The following CSTPP1 variants were observed in gnomAD, a reference collection of about 807,000 sequenced individuals.
CSTPP1 encodes centriolar satellite-associated tubulin polyglutamylase complex regulator 1.
chr11:47,046,660 C>CTTTTTTTTTTTTTTTTTTTTTTTTTT, the CSTPP1 span, among the ~76,000 whole-genome samples: 20 of 79,734 alleles, frequency 2.5e-4, no homozygotes, highest in East Asian at 3.8e-4. Flanking sequence ...ATCTTCTTTT[C>CTTTTTTTTTTTTTTTTTTTTTTTTTT]TTTTTTTTTT....
the CSTPP1 span, among the ~76,000 whole-genome samples, chr11:47,127,237 GAATT>G: frequency 4.6e-5 from 7 of 152,126 alleles, no homozygotes; most frequent in Non-Finnish European, 7.4e-5. Flanking sequence ...ATAAAAATGG[GAATT>G]AATACCATTT....
the CSTPP1 span, among the ~76,000 whole-genome samples, chr11:46,998,705 C>T: frequency 5.3e-5 from 8 of 152,002 alleles, no homozygotes; most frequent in Non-Finnish European, 1.2e-4. Context: ...TAGTGAAAAT[C>T]CTTCACTTTC....
chr11:47,022,438 C>T, the CSTPP1 span, among the ~76,000 whole-genome samples: 5 of 117,052 alleles, frequency 4.3e-5, no homozygotes, highest in East Asian at 2.8e-4. Context: ...GGTGTGATCT[C>T]GGTTCACTGC....
chr11:47,063,155 C>G, the CSTPP1 span, among the ~76,000 whole-genome samples: 1 of 152,082 alleles, frequency 6.6e-6, no homozygotes. Flanking sequence ...TTGATATCTC[C>G]ATGATATCAC....
chr11:46,970,279 G>A, the CSTPP1 span, among the ~76,000 whole-genome samples: 1 of 151,800 alleles, frequency 6.6e-6, no homozygotes, highest in African/African-American at 2.4e-5. Context: ...CCCGGAAATA[G>A]ATGCCAAAGA....
the CSTPP1 span, among the ~76,000 whole-genome samples, chr11:46,980,791 T>C: frequency 6.6e-6 from 1 of 151,918 alleles, no homozygotes; most frequent in African/African-American, 2.4e-5. Context: ...GAGAAGAAAA[T>C]TGGCAAAGGA....
At chr11:46,978,186 G>A in the CSTPP1 span, among the ~76,000 whole-genome samples, 1 of 152,202 alleles carries the variant, frequency 6.6e-6, no homozygotes, top group African/African-American at 2.4e-5. Flanking sequence ...CTATCTTTAA[G>A]GATCAGGACA....
the CSTPP1 span, among the ~76,000 whole-genome samples, chr11:47,026,344 GCT>G: frequency 6.6e-6 from 1 of 152,176 alleles, no homozygotes; most frequent in Non-Finnish European, 1.5e-5. Context: ...GCTCCTGGAA[GCT>G]CTGTTATAAA....
chr11:47,017,382 T>G, the CSTPP1 span, among the ~76,000 whole-genome samples: 1 of 151,398 alleles, frequency 6.6e-6, no homozygotes, highest in Non-Finnish European at 1.5e-5. Flanking sequence ...ACCATATTGG[T>G]CAGGCTGATC....
chr11:47,106,931 TG>T, the CSTPP1 span, among the ~76,000 whole-genome samples: 3 of 152,204 alleles, frequency 2.0e-5, no homozygotes, highest in Admixed American at 6.5e-5. Context: ...CATTTGAGCC[TG>T]GTCACATGGC....
the CSTPP1 span, among the ~76,000 whole-genome samples, chr11:47,075,306 G>A: frequency 1.3e-5 from 2 of 152,230 alleles, no homozygotes; most frequent in African/African-American, 4.8e-5. Flanking sequence ...AGGAGACAGA[G>A]GCTGCAGTGA....
At chr11:46,960,813 C>T in the CSTPP1 span, among the ~76,000 whole-genome samples, 1 of 151,902 alleles carries the variant, frequency 6.6e-6, no homozygotes, top group Non-Finnish European at 1.5e-5. Flanking sequence ...GATCGTGCCA[C>T]TGCACTCCAG....
chr11:47,013,753 C>T, the CSTPP1 span, among the ~76,000 whole-genome samples: 2 of 152,150 alleles, frequency 1.3e-5, no homozygotes, highest in South Asian at 2.1e-4. Context: ...GGTGTATACC[C>T]GGTAATGGGA....
the CSTPP1 span, among the ~76,000 whole-genome samples, chr11:47,148,499 T>C: frequency 5.3e-4 from 81 of 152,186 alleles, 3 homozygotes; most frequent in Non-Finnish European, 4.4e-5. Context: ...AGTCCAGTCA[T>C]GGAAAGTGGC....
At chr11:47,070,566 G>A in the CSTPP1 span, among the ~76,000 whole-genome samples, 4 of 152,132 alleles carry the variant, frequency 2.6e-5, no homozygotes, top group Admixed American at 1.3e-4. Flanking sequence ...AACATTAAGC[G>A]GTTTCAACCC....
chr11:46,966,615 T>TA, the CSTPP1 span, among the ~76,000 whole-genome samples: 337 of 148,412 alleles, frequency 2.3e-3, 1 homozygote, highest in African/African-American at 6.4e-3. Context: ...TGGTGTTTTA[T>TA]AAAAAAAAAA....
At chr11:47,001,140 A>C in the CSTPP1 span, among the ~76,000 whole-genome samples, 2 of 152,154 alleles carry the variant, frequency 1.3e-5, no homozygotes, top group Non-Finnish European at 2.9e-5. Flanking sequence ...TTGATTATCT[A>C]AGTAAGCTTC....
At chr11:47,040,301 T>G in the CSTPP1 span, among the ~76,000 whole-genome samples, 15 of 128,102 alleles carry the variant, frequency 1.2e-4, 3 homozygotes, top group Non-Finnish European at 2.6e-4. Context: ...TAACTTTGTT[T>G]CATTTAACAT....
chr11:47,161,764 C>G, the CSTPP1 span: 31 of 1,435,138 alleles, frequency 2.2e-5, no homozygotes, highest in African/African-American at 2.7e-4. Flanking sequence ...TGAATAACAG[C>G]CCCAAGACCA....
Sources: gnomAD v4.1 joint callset for allele counts (sites outside exome capture counted in the v4.1 genomes callset) on GRCh38, gnomAD v4.1.1 for gene constraint, MANE v1.5 for transcripts, NCBI Gene and HGNC (gene_info 2026-07-23, HGNC 2026-07-21) for gene names.